Variants in NELL2 observed in about 807,000 individuals in gnomAD.
NELL2 encodes the protein neural EGFL like 2, also known as protein kinase C-binding protein NELL2.
NELL2 carries 41 observed loss-of-function variants against 109.6 expected under a neutral mutation model. That is an observed-to-expected ratio of 0.37 (90% CI 0.29 to 0.49). The LOEUF is 0.49. Among genes scored for constraint, NELL2 ranks in the 20% least tolerant of loss-of-function variants. The pLI is 0.98. For missense variants in NELL2, 900 were observed against 1,008.3 expected, an observed-to-expected ratio of 0.89 and a Z score of 1.45; for synonymous variants, 355 against 344.7, an observed-to-expected ratio of 1.03 and a Z score of -0.33.
intron 2 of NELL2, among the ~76,000 whole-genome samples, chr12:44,865,430 T>C (rs1272366548): frequency 4.4e-5 from 5 of 112,930 alleles, no homozygotes; most frequent in Non-Finnish European, 7.4e-5. Flanking sequence ...CCAACAATGA[T>C]AGACTGGATT....
rs570136654 is a variant in NELL2 at position 44,775,341 on chromosome 12, G to T, written c.892-492C>A. On this transcript the variant is annotated intron_variant, in intron 8 of 19. Transcript: ENST00000429094. Reference sequence around the variant, plus strand: ...TTTGAATAAACTGGATGAACTTTGAGAAATTTTTTTAAAAGCCTAATTCAC... The same window carrying T: ...TTTGAATAAACTGGATGAACTTTGATAAATTTTTTTAAAAGCCTAATTCAC... Among the ~76,000 whole-genome samples the T allele has an allele frequency of 2.8e-4, 42 of 147,712 alleles. No individual in the cohort carries two copies. The South Asian group carries it at 3.3e-3, about 12-fold the overall frequency.
intron 12 of NELL2, among the ~76,000 whole-genome samples, chr12:44,668,848 C>T (rs1441436894): frequency 1.3e-5 from 2 of 152,124 alleles, no homozygotes; most frequent in African/African-American, 4.8e-5. Flanking sequence ...ATCAGTGTCA[C>T]AAATGCTGTC....
At chr12:44,665,416 T>A (rs1484419471) in intron 13 of NELL2, 68 bp downstream of exon 13, 1 of 1,406,522 alleles carries the variant, frequency 7.1e-7, no homozygotes, top group African/African-American at 1.5e-5. Context: ...AAAATGAGAG[T>A]CAAAGAAATT....
chr12:44,746,036 G>T (rs1337303309), intron 9 of NELL2, among the ~76,000 whole-genome samples: 1 of 152,116 alleles, frequency 6.6e-6, no homozygotes, highest in Non-Finnish European at 1.5e-5. Flanking sequence ...CACGCTACCT[G>T]ACTTCAAACT....
chr12:44,588,075 C>T (rs971729662), intron 15 of NELL2, among the ~76,000 whole-genome samples: 9 of 150,934 alleles, frequency 6.0e-5, no homozygotes, highest in African/African-American at 2.0e-4. Flanking sequence ...GGTGTGAACC[C>T]GGGAGGTGGA....
intron 15 of NELL2, among the ~76,000 whole-genome samples, chr12:44,587,290 T>A (rs867010592): frequency 0.048 from 2,227 of 46,842 alleles, 106 homozygotes; most frequent in African/African-American, 0.14. Context: ...AAAAAATATA[T>A]ATATATATAT....
chr12:44,811,337 T>TAAAAAAAA (rs10683929), intron 3 of NELL2, among the ~76,000 whole-genome samples: 20 of 103,148 alleles, frequency 1.9e-4, no homozygotes, highest in Admixed American at 3.3e-4. Context: ...GAACTAAAAG[T>TAAAAAAAA]AAAAAAAAAA....
intron 3 of NELL2, among the ~76,000 whole-genome samples, chr12:44,802,432 C>T (rs904088900): frequency 6.6e-6 from 1 of 151,746 alleles, no homozygotes; most frequent in African/African-American, 2.4e-5. Context: ...CAAAATATAC[C>T]TCTAATATAT....
In NELL2 at chr12:44,875,306, C is replaced by G; in HGVS notation, c.103G>C (p.Glu35Gln). Residue 35 changes from glutamate (E) to glutamine (Q), a missense_variant, in exon 2 of 20, where the codon GAG (glutamate) becomes CAG (glutamine). By Grantham distance (29) the Glu-to-Gln change is conservative. Around this residue, in one of 4 missense-constraint regions of NELL2, gnomAD observed 200 missense variants for 191.8 expected, o/e 1.04. Transcript: ENST00000429094. ...GTCGTGGACTCCCCAAGTTCTAACT[C>G]TGTTAAGACGTCAATCTGTAGGGAA... ...DPSLQIDVLT[E>Q]LELGESTTGV... 1 of 1,614,186 alleles carries G rather than the reference C, an allele frequency of 6.2e-7. No individual in the cohort carries two copies. Among genetic ancestry groups the G allele is most frequent in the Non-Finnish European group, 8.5e-7 (1 of 1,180,034 alleles).
intron 2 of NELL2, among the ~76,000 whole-genome samples, chr12:44,863,627 A>G (rs963536170): frequency 6.6e-6 from 1 of 152,202 alleles, no homozygotes; most frequent in Non-Finnish European, 1.5e-5. Flanking sequence ...GGAGTCCATC[A>G]TCACCAGACC....
intron 9 of NELL2, among the ~76,000 whole-genome samples, chr12:44,760,419 T>C (rs1006789732): frequency 3.3e-5 from 5 of 152,138 alleles, no homozygotes; most frequent in Admixed American, 3.3e-4. Flanking sequence ...AAAAGCCATC[T>C]AGAAACAAGA....
At chr12:44,745,871 C>T (rs1331281184) in intron 9 of NELL2, among the ~76,000 whole-genome samples, 1 of 151,726 alleles carries the variant, frequency 6.6e-6, no homozygotes. Flanking sequence ...GGCCACACTG[C>T]CAAAGGTAAT....
chr12:44,647,091 T>C (rs1372733010), intron 13 of NELL2, among the ~76,000 whole-genome samples: 1 of 152,190 alleles, frequency 6.6e-6, no homozygotes, highest in Non-Finnish European at 1.5e-5. Context: ...ATATGCATTC[T>C]AAACACCTAG....
chr12:44,557,168 C>A (rs1029413573), intron 15 of NELL2, among the ~76,000 whole-genome samples: 3 of 152,172 alleles, frequency 2.0e-5, no homozygotes, highest in South Asian at 2.1e-4. Context: ...CAGGGCCCCC[C>A]ACCTCTGCTT....
chr12:44,876,602 C>T, upstream of NELL2: 1 of 1,548,840 alleles, frequency 6.5e-7, no homozygotes, highest in Non-Finnish European at 8.7e-7. Context: ...GGTCTTTGCT[C>T]TCACCCCTCG....
At chr12:44,721,186 A>C (rs1286248385) in intron 9 of NELL2, among the ~76,000 whole-genome samples, 1 of 152,238 alleles carries the variant, frequency 6.6e-6, no homozygotes, top group Non-Finnish European at 1.5e-5. Flanking sequence ...ACCAATTTAA[A>C]TGGCAATCTA....
At chr12:44,791,093 ATATG>A (rs1566403667) in intron 3 of NELL2, among the ~76,000 whole-genome samples, 22 of 14,444 alleles carry the variant, frequency 1.5e-3, no homozygotes, top group Admixed American at 2.9e-3. Flanking sequence ...ATATATATAT[ATATG>A]TATATATATA....
At chr12:44,516,832 A>G (rs1941283069) in intron 19 of NELL2, among the ~76,000 whole-genome samples, 1 of 150,874 alleles carries the variant, frequency 6.6e-6, no homozygotes, top group South Asian at 2.1e-4. Flanking sequence ...TTTCTTATTA[A>G]TGTTTATGTT....
At chr12:44,589,760 A>G (rs1470693512) in intron 15 of NELL2, among the ~76,000 whole-genome samples, 1 of 152,224 alleles carries the variant, frequency 6.6e-6, no homozygotes, top group Non-Finnish European at 1.5e-5. Context: ...AAGGAAAACC[A>G]AAATTTATTC....
Sources: gnomAD v4.1 joint callset for allele counts (sites outside exome capture counted in the v4.1 genomes callset) on GRCh38, gnomAD v4.1.1 for gene constraint, gnomAD v4.1.1 regional missense constraint, MANE v1.5 for transcripts, NCBI Gene and HGNC (gene_info 2026-07-23, HGNC 2026-07-21) for gene names.